CUBN: variants seen among roughly 807,000 people sequenced by gnomAD.
CUBN encodes the protein 460 kDa receptor.
In CUBN, 282 loss-of-function variants were observed where a neutral mutation model predicts 405.3. That is an observed-to-expected ratio of 0.70 (90% CI 0.63 to 0.77). CUBN has a LOEUF of 0.77. Ranked by LOEUF, CUBN falls within the 30% of genes least tolerant of loss-of-function variation. CUBN has a pLI of 0.00. For synonymous variants in CUBN, 1,684 were observed against 1,617.0 expected (o/e 1.04, Z -0.99); for missense variants, 4,514 against 4,475.2 (o/e 1.01, Z -0.25).
intron 58 of CUBN, among the ~76,000 whole-genome samples, chr10:16,874,069 A>G (rs1187902687): frequency 6.6e-6 from 1 of 152,174 alleles, no homozygotes; most frequent in African/African-American, 2.4e-5. Context: ...CTCTCCTTTG[A>G]TTTCAAGATG....
At chr10:16,842,291 G>T (rs1839377802) in intron 60 of CUBN, among the ~76,000 whole-genome samples, 1 of 152,092 alleles carries the variant, frequency 6.6e-6, no homozygotes, top group South Asian at 2.1e-4. Flanking sequence ...TCTCTCTGAA[G>T]ACAATACAAG....
At chr10:17,057,818 A>G (rs1013968778) in intron 22 of CUBN, among the ~76,000 whole-genome samples, 2 of 152,074 alleles carry the variant, frequency 1.3e-5, no homozygotes, top group Non-Finnish European at 2.9e-5. Context: ...TTCCAGACAC[A>G]TTATGCCAAA....
chr10:17,053,441 CAA>C (rs1835318076), intron 22 of CUBN, among the ~76,000 whole-genome samples: 1 of 151,684 alleles, frequency 6.6e-6, no homozygotes, highest in Non-Finnish European at 1.5e-5. Context: ...TAATATCAAA[CAA>C]AAGTGACTTC....
intron 14 of CUBN, among the ~76,000 whole-genome samples, chr10:17,091,867 GAACA>G (rs1337421585): frequency 1.3e-5 from 2 of 152,170 alleles, no homozygotes; most frequent in African/African-American, 4.8e-5. Flanking sequence ...ATGATCTACA[GAACA>G]AACAATCCAT....
At chr10:16,999,493 G>C (rs193032067) in intron 28 of CUBN, among the ~76,000 whole-genome samples, 28 of 152,298 alleles carry the variant, frequency 1.8e-4, no homozygotes, top group African/African-American at 6.5e-4. Flanking sequence ...TTCTTCAGGA[G>C]AAATCAATCA....
intron 18 of CUBN, 56 bp from the exon 19 acceptor site, chr10:17,071,660 A>G: frequency 6.4e-7 from 1 of 1,562,298 alleles, no homozygotes; most frequent in Non-Finnish European, 8.8e-7. Context: ...TTTTATCTCA[A>G]TTTTATTGCA....
intron 54 of CUBN, among the ~76,000 whole-genome samples, chr10:16,898,345 T>C (rs752609122): frequency 7.2e-5 from 11 of 152,074 alleles, no homozygotes; most frequent in African/African-American, 2.7e-4. Flanking sequence ...ATTGTTTAAG[T>C]AGCTCAGAGA....
rs1836090371 is a variant in CUBN at position 17,085,666 on chromosome 10, T to C, written c.2041A>G (p.Arg681Gly). 1.2e-6 allele frequency: 2 copies of C among 1,614,092 alleles called. No individual in the cohort carries two copies. Among genetic ancestry groups the C allele is most frequent in the Non-Finnish European group, 1.7e-6 (2 of 1,179,984 alleles). The change falls in exon 16 of 67, where the codon AGA becomes GGA. Residue 681 changes from arginine to glycine, a missense_variant. Transcript: ENST00000377833. Reference sequence around the variant, plus strand: ...TGGGAGTCTGAATGGAAGTGAATTCTGGCAAAGGGGCCAGTAGTCTGGAGC... The same window carrying C: ...TGGGAGTCTGAATGGAAGTGAATTCCGGCAAAGGGGCCAGTAGTCTGGAGC... ...PPLQTTGPFARIHFHSDSQIS... is the reference protein window; with the variant it reads ...PPLQTTGPFAGIHFHSDSQIS...
At position 16,919,910 on chromosome 10, in the gene CUBN, G is replaced by T. The variant is rs1564424138; in HGVS notation, c.6821+53C>A. On this transcript the variant is annotated intron_variant, in intron 44 of 66. Transcript: ENST00000377833. ...AAATGGACTGTTTTGAGACATGACG[G>T]TTAAAAAATACTAACTTGGGGTAGG... 3.1e-5 allele frequency: 48 copies of T among 1,570,538 alleles called. No homozygotes were observed. The East Asian group carries it at 6.3e-4, about 21-fold the overall frequency.
At chr10:16,929,976 A>T (rs1842317012) in intron 40 of CUBN, among the ~76,000 whole-genome samples, 1 of 152,188 alleles carries the variant, frequency 6.6e-6, no homozygotes, top group Non-Finnish European at 1.5e-5. Context: ...TAGTGGGAAG[A>T]TGACCCAAAA....
intron 17 of CUBN, among the ~76,000 whole-genome samples, chr10:17,073,263 T>C (rs2131850568): frequency 6.6e-6 from 1 of 152,212 alleles, no homozygotes; most frequent in East Asian, 1.9e-4. Context: ...ATGGGAATAA[T>C]AATAGTGCAA....
At chr10:17,111,972 T>A (rs772787473) in intron 8 of CUBN, among the ~76,000 whole-genome samples, 7 of 152,150 alleles carry the variant, frequency 4.6e-5, no homozygotes, top group Non-Finnish European at 8.8e-5. Context: ...ACTCCTAATT[T>A]GGGGAAAGAA....
At chr10:17,127,419 C>A (rs932746225) in intron 3 of CUBN, among the ~76,000 whole-genome samples, 1 of 149,332 alleles carries the variant, frequency 6.7e-6, no homozygotes, top group African/African-American at 2.5e-5. Flanking sequence ...GCTCATGCCA[C>A]CATGCCCAGC....
intron 28 of CUBN, among the ~76,000 whole-genome samples, chr10:16,999,702 C>T (rs1178410283): frequency 6.6e-6 from 1 of 152,186 alleles, no homozygotes; most frequent in Non-Finnish European, 1.5e-5. Flanking sequence ...ACAGAGAAAA[C>T]ATGTTCTCTG....
chr10:16,961,994 G>A (rs1843238936), intron 31 of CUBN, among the ~76,000 whole-genome samples: 1 of 152,164 alleles, frequency 6.6e-6, no homozygotes. Context: ...TTACAGGCGT[G>A]AGCCATGGCG....
chr10:16,891,397 C>T (rs1047499024), intron 54 of CUBN, among the ~76,000 whole-genome samples: 10 of 151,980 alleles, frequency 6.6e-5, no homozygotes, highest in African/African-American at 1.2e-4. Context: ...CTGCCCCGAG[C>T]GAACCCCGAT....
In CUBN at chr10:17,127,895, CTCTATAATAT is replaced by C; in HGVS notation, c.272_281del (p.Asp91GlyfsTer2). On this transcript the variant is annotated frameshift_variant, in exon 3 of 67. Coordinates refer to ENST00000377833, the MANE Select transcript of CUBN (RefSeq NM_001081.4). LOFTEE classifies it high-confidence loss of function. ...GCAGACCAATTGCACTCCCTTTTAA[CTCTATAATAT>C]CTTCTTTGTTTTTCTGGATCTAATT... is the stretch of plus-strand genomic sequence containing the variant. 1 of 1,610,698 alleles carries C rather than the reference CTCTATAATAT, an allele frequency of 6.2e-7. No individual in the cohort carries two copies. The highest frequency in any genetic ancestry group is 8.5e-7 in the Non-Finnish European group (1 of 1,177,376).
At chr10:17,106,018 C>T (rs1274477485) in intron 10 of CUBN, among the ~76,000 whole-genome samples, 2 of 152,234 alleles carry the variant, frequency 1.3e-5, no homozygotes, top group Non-Finnish European at 2.9e-5. Context: ...GGCACAGTGG[C>T]TCACGCCTGT....
At chr10:17,064,484 G>T (rs928778242) in intron 22 of CUBN, among the ~76,000 whole-genome samples, 44 of 152,294 alleles carry the variant, frequency 2.9e-4, no homozygotes, top group African/African-American at 9.4e-4. Flanking sequence ...AGTTCTTTCT[G>T]GAGGGAGCTC....
Sources: allele counts gnomAD v4.1 joint callset (sites outside exome capture counted in the v4.1 genomes callset), GRCh38; gene constraint gnomAD v4.1.1; transcripts MANE v1.5; gene names NCBI Gene and HGNC (gene_info 2026-07-23, HGNC 2026-07-21).